XRRA1: variants seen among roughly 807,000 people sequenced by gnomAD.
The protein encoded by XRRA1 is X-ray radiation resistance-associated protein 1.
Under a neutral mutation model 80.2 loss-of-function variants are expected in XRRA1, and 69 were observed. The ratio of observed to expected loss-of-function variants is 0.86; its 90% CI spans 0.71 to 1.05. XRRA1 has a LOEUF of 1.05. XRRA1 is among the 50% of genes least tolerant of loss of function. The pLI, the probability that XRRA1 is intolerant of heterozygous loss-of-function variation, is 0.00. For synonymous variants in XRRA1, 348 were observed against 389.9 expected (o/e 0.89, Z 1.27); for missense variants, 967 against 976.4 (o/e 0.99, Z 0.13).
At chr11:74,909,382 AATTG>A (rs2055357308) in intron 8 of XRRA1, among the ~76,000 whole-genome samples, 1 of 152,198 alleles carries the variant, frequency 6.6e-6, no homozygotes, top group South Asian at 2.1e-4. Context: ...GTTGATTTAT[AATTG>A]ATTGGCCAAT....
At chr11:74,895,760 T>A (rs1007778809) in intron 10 of XRRA1, among the ~76,000 whole-genome samples, 1 of 152,196 alleles carries the variant, frequency 6.6e-6, no homozygotes, top group Non-Finnish European at 1.5e-5. Flanking sequence ...CTGGGAAGAC[T>A]TGTGAGGCCT....
intron 8 of XRRA1, among the ~76,000 whole-genome samples, chr11:74,915,034 A>G (rs1441360242): frequency 6.6e-6 from 1 of 152,234 alleles, no homozygotes; most frequent in African/African-American, 2.4e-5. Context: ...ATGACTTAGC[A>G]TGATATGCTG....
chr11:74,927,543 G>T, intron 6 of XRRA1, 55 bp from the exon 7 acceptor site: 1 of 1,218,724 alleles, frequency 8.2e-7, no homozygotes, highest in Non-Finnish European at 1.2e-6. Flanking sequence ...TTAAGAGAAA[G>T]ATATTAATAA....
chr11:74,912,861 G>A (rs2056208803), intron 8 of XRRA1, among the ~76,000 whole-genome samples: 1 of 152,138 alleles, frequency 6.6e-6, no homozygotes, highest in South Asian at 2.1e-4. Flanking sequence ...GCTACACTAT[G>A]AACAACACAG....
chr11:74,934,696 G>A (rs1211848362), intron 4 of XRRA1, among the ~76,000 whole-genome samples: 1 of 152,130 alleles, frequency 6.6e-6, no homozygotes, highest in Non-Finnish European at 1.5e-5. Flanking sequence ...GCTTCTGAGA[G>A]GATGAAAAAC....
At chr11:74,880,622 A>C (rs1206791697) in intron 10 of XRRA1, among the ~76,000 whole-genome samples, 12 of 151,078 alleles carry the variant, frequency 7.9e-5, no homozygotes, top group African/African-American at 1.5e-4. Flanking sequence ...TCCCTCTACA[A>C]ACTGCTTTGA....
intron 10 of XRRA1, among the ~76,000 whole-genome samples, chr11:74,893,195 C>G (rs1021131168): frequency 9.2e-5 from 14 of 152,082 alleles, no homozygotes; most frequent in East Asian, 7.7e-4. Context: ...AGAAAATGTG[C>G]CACATATACA....
Position 74,933,656 on chromosome 11 carries a change from T to C in XRRA1, c.351+145A>G, listed in dbSNP as rs1054756626. On this transcript the variant is annotated intron_variant, in intron 5 of 18. Transcript: ENST00000684022. Reference sequence around the variant, plus strand: ...AATATTGTTTCAACCCAATAAATCCTTGTCTGACTCTCCTCTCCCTCCTTC... The same window carrying C: ...AATATTGTTTCAACCCAATAAATCCCTGTCTGACTCTCCTCTCCCTCCTTC... 2.1e-5 allele frequency: 14 copies of C among 655,024 alleles called. No homozygotes were observed. In the African/African-American group the frequency reaches 2.4e-4, roughly 11 times the overall value. 40.6% of individuals were successfully genotyped at this position (655,024 alleles called of 1,614,324 possible).
At position 74,859,208 on chromosome 11, in the gene XRRA1, G is replaced by C. The variant is rs374181791; in HGVS notation, c.1120C>G (p.Leu374Val). 1 of 1,610,104 alleles carries C rather than the reference G, an allele frequency of 6.2e-7. No homozygotes were observed. The highest frequency in any genetic ancestry group is 2.2e-5 in the East Asian group (1 of 44,530). ...VKSLKARNQT[L>V]APPFPELRYL... ...CTCAGCTCTGGGAAGGGTGGGGCCA[G>C]CGTCTGGTTCCTGGCCTTCAGTGAC... Residue 374 changes from leucine (L) to valine (V), a missense_variant, in exon 12 of 19, where the codon CTG (leucine) becomes GTG (valine). Coordinates refer to ENST00000684022, the MANE Select transcript of XRRA1 (RefSeq NM_001378157.1).
chr11:74,916,296 T>C (rs183729711), intron 8 of XRRA1, among the ~76,000 whole-genome samples: 34 of 152,324 alleles, frequency 2.2e-4, no homozygotes, highest in African/African-American at 7.5e-4. Flanking sequence ...TCATAATACA[T>C]AGGTTGGTTT....
intron 5 of XRRA1, chr11:74,933,184 G>T (rs1051404799): frequency 1.3e-5 from 2 of 152,198 alleles, no homozygotes; most frequent in African/African-American, 2.4e-5. Context: ...TGGGAACTCA[G>T]TGTCACACAA....
intron 7 of XRRA1, 126 bp downstream of exon 7, chr11:74,927,265 T>A (rs1398694008): frequency 8.1e-6 from 1 of 123,698 alleles, no homozygotes. Flanking sequence ...AGGCCAGCAA[T>A]GAAGCAAGGG....
chr11:74,845,406 A>G, intron 15 of XRRA1, 135 bp from the exon 16 acceptor site: 1 of 836,734 alleles, frequency 1.2e-6, no homozygotes, highest in South Asian at 1.8e-5. Context: ...CTGGGATGGA[A>G]GAAAGCAGAT....
rs141109548 is a variant in XRRA1, at chr11:74,942,970, C to T, written c.-5+2048G>A. On this transcript the variant is annotated intron_variant, in intron 2 of 18. Coordinates refer to ENST00000684022, the MANE Select transcript of XRRA1 (RefSeq NM_001378157.1). Reference sequence around the variant, plus strand: ...CCTGAGAAAGCAGGAAGAAGGGCACCCAGCATCCAGGGGAGGGGTTCCCTC... The same window carrying T: ...CCTGAGAAAGCAGGAAGAAGGGCACTCAGCATCCAGGGGAGGGGTTCCCTC... 3.7e-4 allele frequency among the ~76,000 whole-genome samples: 57 copies of T among 152,276 alleles called. 1 individual carries two copies. The highest frequency in any genetic ancestry group is 3.4e-3 in the Middle Eastern group (1 of 294).
rs1359614531 is a variant in XRRA1, at chr11:74,848,163, G to A, written c.1680C>T (p.Arg560=). The change falls in exon 15 of 19, where the codon CGC becomes CGT. Residue 560 remains arginine, a synonymous_variant. Transcript: ENST00000684022. The part of the protein sequence containing the change: ...SDTTVRLSPE[R]PSDEDSKSTE... Reference sequence around the variant, plus strand: ...TGCTCTTGGAGTCCTCATCTGATGGGCGCTCTGGGCTGAGGCGGACAGTTG... The same window carrying A: ...TGCTCTTGGAGTCCTCATCTGATGGACGCTCTGGGCTGAGGCGGACAGTTG... 4 of 1,613,288 alleles carry A rather than the reference G, an allele frequency of 2.5e-6. No individual in the cohort carries two copies. The highest frequency in any genetic ancestry group is 2.2e-5 in the East Asian group (1 of 44,864).
intron 13 of XRRA1, among the ~76,000 whole-genome samples, chr11:74,851,409 A>C (rs1167447819): frequency 1.3e-5 from 2 of 152,190 alleles, no homozygotes; most frequent in African/African-American, 4.8e-5. Flanking sequence ...ACTGAGGCAC[A>C]GAGAGGCTAA....
rs1056546662 is a variant in XRRA1 at position 74,842,555 on chromosome 11, G to C, written c.*645C>G. 28 of 152,416 alleles carry C rather than the reference G, an allele frequency of 1.8e-4. No individual in the cohort carries two copies. The highest frequency in any genetic ancestry group is 6.7e-4 in the African/African-American group (28 of 41,578). 9.4% of individuals were successfully genotyped at this position (152,416 alleles called of 1,614,324 possible). A position where few individuals can be genotyped will look rare whatever the true frequency, so the allele number is the denominator to read the frequency against. On this transcript the variant is annotated 3_prime_UTR_variant, in exon 19 of 19. Transcript: ENST00000684022. ...GTTGGATGTCTTGCTTTGGCATTCA[G>C]AATGGCAGTAGAGATTAGGAGCAGG...
Position 74,933,830 on chromosome 11 carries a change from T to C in XRRA1, c.322A>G (p.Ile108Val), listed in dbSNP as rs1322745426. 4 of 1,602,330 alleles carry C rather than the reference T, an allele frequency of 2.5e-6. No homozygotes were observed. The highest frequency in any genetic ancestry group is 3.4e-6 in the Non-Finnish European group (4 of 1,174,398). ...CVRKPSDLCT[I>V]NVSGLKFSKA... is the part of the protein sequence containing the mutation. ...GAGAACTTCAGGCCACTCACATTAA[T>C]GGTGCACAGATCTGATGGCTTCCTC... The change falls in exon 5 of 19, where the codon ATT becomes GTT. Residue 108 changes from isoleucine (I) to valine (V), a missense_variant. Physicochemically the swap from Ile to Val is conservative, Grantham distance 29. Coordinates refer to ENST00000684022, the MANE Select transcript of XRRA1 (RefSeq NM_001378157.1).
intron 10 of XRRA1, among the ~76,000 whole-genome samples, chr11:74,894,251 G>C (rs2051621238): frequency 6.6e-6 from 1 of 152,158 alleles, no homozygotes; most frequent in Non-Finnish European, 1.5e-5. Context: ...CAGGCACCAG[G>C]ATCTACTTGA....
Sources: allele counts gnomAD v4.1 joint callset (sites outside exome capture counted in the v4.1 genomes callset), GRCh38; gene constraint gnomAD v4.1.1; transcripts MANE v1.5; gene names NCBI Gene and HGNC (gene_info 2026-07-23, HGNC 2026-07-21).